Variants in GALNT17 observed in about 807,000 individuals in gnomAD.
GALNT17 encodes UDP-GalNAc:polypeptide N-acetylgalactosaminyltransferase-like 3.
GALNT17 carries 29 observed loss-of-function variants against 63.7 expected under a neutral mutation model. The observed-to-expected ratio is 0.46, with a 90% CI of 0.34 to 0.62. The LOEUF (loss-of-function observed/expected upper bound fraction) is 0.62, where lower values mean the gene tolerates loss of function less well. Among genes scored for constraint, GALNT17 ranks in the 20% least tolerant of loss-of-function variants. The pLI, the probability that GALNT17 is intolerant of heterozygous loss-of-function variation, is 0.01. For missense variants in GALNT17, 603 were observed against 799.6 expected, an observed-to-expected ratio of 0.75 and a Z score of 2.97; for synonymous variants, 305 against 318.3, an observed-to-expected ratio of 0.96 and a Z score of 0.45.
chr7:71,502,083 A>G (rs1431214717), intron 5 of GALNT17, among the ~76,000 whole-genome samples: 5 of 152,070 alleles, frequency 3.3e-5, no homozygotes, highest in African/African-American at 9.7e-5. Flanking sequence ...AATCTCTCCC[A>G]CTGGCCTTTC....
intron 1 of GALNT17, among the ~76,000 whole-genome samples, chr7:71,309,206 A>G (rs1791367376): frequency 6.6e-6 from 1 of 151,710 alleles, no homozygotes. Flanking sequence ...AGACCTGATC[A>G]TTTCTTTTCT....
chr7:71,423,227 C>G (rs964867306), intron 5 of GALNT17, among the ~76,000 whole-genome samples: 7 of 152,192 alleles, frequency 4.6e-5, no homozygotes, highest in Admixed American at 2.6e-4. Flanking sequence ...GAGGGTGGAG[C>G]CCTTGCCAGG....
At chr7:71,182,519 T>C (rs924383066) in intron 1 of GALNT17, among the ~76,000 whole-genome samples, 2 of 152,064 alleles carry the variant, frequency 1.3e-5, no homozygotes, top group African/African-American at 4.8e-5. Flanking sequence ...AGCTGACAGT[T>C]AGAGAGGTGT....
intron 5 of GALNT17, among the ~76,000 whole-genome samples, chr7:71,524,771 G>A (rs958359241): frequency 1.3e-5 from 2 of 152,184 alleles, no homozygotes; most frequent in South Asian, 4.2e-4. Context: ...GTTTGCTTTT[G>A]CCCATCTTTT....
chr7:71,377,114 A>AGATAT (rs1554362120), intron 2 of GALNT17, among the ~76,000 whole-genome samples: 1 of 57,486 alleles, frequency 1.7e-5, no homozygotes, highest in Non-Finnish European at 3.0e-5. Flanking sequence ...AAATAAAAAA[A>AGATAT]ATATATATAT....
intron 6 of GALNT17, among the ~76,000 whole-genome samples, chr7:71,585,828 T>C (rs942988693): frequency 1.3e-5 from 2 of 152,168 alleles, no homozygotes; most frequent in Admixed American, 1.3e-4. Context: ...TGGACATTTC[T>C]GTTGCCTGAG....
chr7:71,292,634 GGA>G (rs148278821), intron 1 of GALNT17, among the ~76,000 whole-genome samples: 37 of 135,254 alleles, frequency 2.7e-4, no homozygotes, highest in Admixed American at 1.0e-3. Context: ...TTTGGGAGAG[GGA>G]GAGAGAGAGA....
intron 5 of GALNT17, among the ~76,000 whole-genome samples, chr7:71,456,272 G>C (rs555282810): frequency 5.3e-5 from 8 of 152,260 alleles, no homozygotes; most frequent in African/African-American, 1.9e-4. Context: ...GCTTTGAATA[G>C]TATGTGAGAT....
chr7:71,694,166 G>A (rs1791505142), intron 9 of GALNT17, among the ~76,000 whole-genome samples: 1 of 151,986 alleles, frequency 6.6e-6, no homozygotes, highest in Admixed American at 6.6e-5. Context: ...ATCAGATCTT[G>A]TGAGACTTAT....
At chr7:71,187,123 G>GTTGTTT (rs1257607995) in intron 1 of GALNT17, among the ~76,000 whole-genome samples, 1 of 152,006 alleles carries the variant, frequency 6.6e-6, no homozygotes, top group Admixed American at 6.6e-5. Context: ...TTAATTTTTT[G>GTTGTTT]TTGTTTTGTT....
At chr7:71,460,764 CCCCTTTTTAGGCCATATAGAGTAACTT>C (rs1787438927) in intron 5 of GALNT17, among the ~76,000 whole-genome samples, 2 of 152,176 alleles carry the variant, frequency 1.3e-5, no homozygotes, top group South Asian at 4.1e-4. Flanking sequence ...ATTCATGCCT[CCCCTTTTTAGGCCATATAGAGTAACTT>C]CTTGATGTTG....
At chr7:71,366,353 C>T (rs886377957) in intron 2 of GALNT17, among the ~76,000 whole-genome samples, 5 of 152,008 alleles carry the variant, frequency 3.3e-5, no homozygotes, top group African/African-American at 4.8e-5. Flanking sequence ...GAGGCCGAGG[C>T]GAGTGGATCA....
At chr7:71,317,330 C>T (rs1345119735) in intron 1 of GALNT17, among the ~76,000 whole-genome samples, 2 of 152,138 alleles carry the variant, frequency 1.3e-5, no homozygotes, top group African/African-American at 2.4e-5. Context: ...AGGAAATCAG[C>T]TTTGTTGGCA....
intron 6 of GALNT17, among the ~76,000 whole-genome samples, chr7:71,602,432 A>G (rs1381600174): frequency 3.3e-5 from 5 of 152,222 alleles, no homozygotes; most frequent in Admixed American, 6.5e-5. Context: ...TAGGAAGCCA[A>G]TAAAAGCTGT....
intron 2 of GALNT17, among the ~76,000 whole-genome samples, chr7:71,339,851 C>T (rs1791977433): frequency 2.0e-5 from 3 of 152,186 alleles, no homozygotes; most frequent in Admixed American, 6.5e-5. Context: ...TTGAACATAC[C>T]ATTTACATGT....
At chr7:71,177,135 C>T (rs10256533) in intron 1 of GALNT17, among the ~76,000 whole-genome samples, 14 of 151,612 alleles carry the variant, frequency 9.2e-5, no homozygotes, top group East Asian at 7.7e-4. Flanking sequence ...TGTCGGAGAG[C>T]GGGGCCAAGC....
chr7:71,156,363 C>G (rs1788234533), intron 1 of GALNT17, among the ~76,000 whole-genome samples: 1 of 151,792 alleles, frequency 6.6e-6, no homozygotes, highest in African/African-American at 2.4e-5. Flanking sequence ...ATTCCTCAAG[C>G]TGGAGGTTCA....
At chr7:71,349,066 C>T in intron 2 of GALNT17, among the ~76,000 whole-genome samples, 1 of 152,202 alleles carries the variant, frequency 6.6e-6, no homozygotes, top group East Asian at 1.9e-4. Context: ...ACGTGAAATA[C>T]TTGCAGTACG....
Position 71,533,646 on chromosome 7 carries a change from T to C in GALNT17, c.963-37639T>C, listed in dbSNP as rs370568855. ...ATTCCCAAAGGTCTCTAAGGTGCTA[T>C]AGGTTCGCTTTGCATGCTTGTTTTG... is the stretch of plus-strand genomic sequence containing the variant. On this transcript the variant is annotated intron_variant, in intron 5 of 10. Coordinates refer to ENST00000333538, the MANE Select transcript of GALNT17 (RefSeq NM_022479.3). Among the ~76,000 whole-genome samples, 182 of 152,322 alleles carry C rather than the reference T, an allele frequency of 1.2e-3. 2 individuals are homozygous for C. In the South Asian group the frequency reaches 0.034, roughly 28 times the overall value.
Sources: gnomAD v4.1 joint callset for allele counts (sites outside exome capture counted in the v4.1 genomes callset) on GRCh38, gnomAD v4.1.1 for gene constraint, MANE v1.5 for transcripts, NCBI Gene and HGNC (gene_info 2026-07-23, HGNC 2026-07-21) for gene names.